The following CHRNA7 variants were observed in gnomAD, a reference collection of about 807,000 sequenced individuals.
CHRNA7 encodes the protein cholinergic receptor nicotinic alpha 7 subunit.
A neutral mutation model predicts 48.0 loss-of-function variants in CHRNA7; 17 were observed. The observed-to-expected ratio is 0.35, with a 90% CI of 0.24 to 0.53. The LOEUF (loss-of-function observed/expected upper bound fraction) is 0.53. Among genes scored for constraint, CHRNA7 ranks in the 20% least tolerant of loss-of-function variants. The pLI is 0.92. For missense variants in CHRNA7, 155 were observed against 577.7 expected (o/e 0.27, Z 7.50); for synonymous variants, 75 against 242.3 (o/e 0.31, Z 6.41).
intron 2 of CHRNA7, among the ~76,000 whole-genome samples, chr15:32,050,051 C>G (rs1359018061): frequency 6.6e-6 from 1 of 152,150 alleles, no homozygotes; most frequent in African/African-American, 2.4e-5. Context: ...GTGGGTAACC[C>G]GACCTTTCTC....
At chr15:32,078,982 C>CAAGA (rs2050175813) in intron 2 of CHRNA7, among the ~76,000 whole-genome samples, 1 of 152,316 alleles carries the variant, frequency 6.6e-6, no homozygotes, top group East Asian at 1.9e-4. Flanking sequence ...CCCTGGGATG[C>CAAGA]AAGGTTGGTT....
chr15:32,049,068 A>G (rs1457367058), intron 2 of CHRNA7, among the ~76,000 whole-genome samples: 2 of 147,670 alleles, frequency 1.4e-5, no homozygotes, highest in South Asian at 2.1e-4. Flanking sequence ...ACTTCCAGGT[A>G]TGTGGTCAAT....
chr15:32,092,024 G>C lies in CHRNA7; in HGVS notation c.196-9279G>C, dbSNP rs574331356. 3.3e-5 allele frequency among the ~76,000 whole-genome samples: 5 copies of C among 152,264 alleles called. No individual in the cohort carries two copies. The South Asian group carries it at 1.0e-3, about 32-fold the overall frequency. On this transcript the variant is annotated intron_variant, in intron 2 of 9. Transcript: ENST00000306901. ...CCTGGCATACTTAACTAGTTTCTCTGTGTTGTAGTCACCATTTCAGCTCTA... is the reference window on the plus strand; with the variant it reads ...CCTGGCATACTTAACTAGTTTCTCTCTGTTGTAGTCACCATTTCAGCTCTA...
chr15:32,100,088 A>G (rs2050544919), intron 2 of CHRNA7: 1 of 152,152 alleles, frequency 6.6e-6, no homozygotes, highest in Non-Finnish European at 1.5e-5. Context: ...AACTGCTTAC[A>G]TGCTGAACGC....
At chr15:32,114,059 T>C (rs202043955) in intron 4 of CHRNA7, among the ~76,000 whole-genome samples, 1,805 of 38,158 alleles carry the variant, frequency 0.047, 35 homozygotes, top group African/African-American at 0.1. Flanking sequence ...TATATATATA[T>C]ACATATATAT....
At chr15:32,050,135 C>G (rs1030687384) in intron 2 of CHRNA7, among the ~76,000 whole-genome samples, 1 of 152,116 alleles carries the variant, frequency 6.6e-6, no homozygotes, top group Non-Finnish European at 1.5e-5. Context: ...TGGAGTTGCT[C>G]TTCTCGATGA....
intron 4 of CHRNA7, among the ~76,000 whole-genome samples, chr15:32,136,119 G>A (rs1049731342): frequency 6.6e-6 from 1 of 152,114 alleles, no homozygotes; most frequent in Non-Finnish European, 1.5e-5. Flanking sequence ...AGCAGTGAGC[G>A]AAGCAATTGG....
chr15:32,071,290 A>G (rs994269268), intron 2 of CHRNA7, among the ~76,000 whole-genome samples: 5 of 152,174 alleles, frequency 3.3e-5, no homozygotes, highest in Admixed American at 6.5e-5. Flanking sequence ...TTTTAGAACT[A>G]TCGTATGTAT....
At chr15:32,031,818 A>C (rs745338384) in intron 2 of CHRNA7, among the ~76,000 whole-genome samples, 6 of 152,352 alleles carry the variant, frequency 3.9e-5, no homozygotes, top group Non-Finnish European at 8.8e-5. Context: ...AATACTTCAC[A>C]CAAGTGTTTA....
Position 32,035,102 on chromosome 15 carries a change from G to A in CHRNA7, c.195+4065G>A, listed in dbSNP as rs56908455. Among the ~76,000 whole-genome samples the A allele has an allele frequency of 2.9e-3, 436 of 152,324 alleles. 2 individuals are homozygous for A. The highest frequency in any genetic ancestry group is 0.01 in the African/African-American group (424 of 41,574). On this transcript the variant is annotated intron_variant, in intron 2 of 9. Coordinates refer to ENST00000306901, the MANE Select transcript of CHRNA7 (RefSeq NM_000746.6). The stretch of plus-strand genomic sequence containing the variant: ...ATCAATAAATTTGCTAAGTGAAAGT[G>A]CCTAAATTATTCTTATATGCACACA...
rs551508915 is a variant in CHRNA7 at position 32,097,127 on chromosome 15, C to T, written c.196-4176C>T. ...AGGGCAGCTGTTTGCATCCCTGTTT[C>T]GGAGGAGAGAACATTGAAATGCACA... On this transcript the variant is annotated intron_variant, in intron 2 of 9. Transcript: ENST00000306901. 3.3e-5 allele frequency among the ~76,000 whole-genome samples: 5 copies of T among 152,254 alleles called. No homozygotes were observed. The East Asian group carries it at 5.8e-4, about 18-fold the overall frequency.
intron 4 of CHRNA7, among the ~76,000 whole-genome samples, chr15:32,132,622 G>A (rs2051175603): frequency 6.6e-6 from 1 of 152,142 alleles, no homozygotes; most frequent in African/African-American, 2.4e-5. Flanking sequence ...TCTGGTTTAT[G>A]GCTTCCTTCT....
At chr15:32,123,982 A>C (rs1454132186) in intron 4 of CHRNA7, among the ~76,000 whole-genome samples, 3 of 150,656 alleles carry the variant, frequency 2.0e-5, no homozygotes, top group African/African-American at 2.4e-5. Flanking sequence ...AAAAAAAAAA[A>C]CAGCCTACAA....
rs78340300 is a variant in CHRNA7 at position 32,148,038 on chromosome 15, T to G, written c.351-5869T>G. ...CTCCTCCCTTCCTTTTTGGATAGAT[T>G]TCATCTTCATCTCTCTTGCCCTTCT... On this transcript the variant is annotated intron_variant, in intron 4 of 9. Transcript: ENST00000306901. 5.5e-4 allele frequency among the ~76,000 whole-genome samples: 84 copies of G among 152,314 alleles called. No individual in the cohort carries two copies. In the East Asian group the frequency reaches 0.015, roughly 28 times the overall value.
chr15:32,030,691 C>T, intron 1 of CHRNA7, 42 bp downstream of exon 1: 1 of 1,553,694 alleles, frequency 6.4e-7, no homozygotes, highest in East Asian at 2.5e-5. Flanking sequence ...TCCGTGGGAT[C>T]CCGGGCACAT....
chr15:32,129,418 G>A (rs1478046294), intron 4 of CHRNA7, among the ~76,000 whole-genome samples: 2 of 151,920 alleles, frequency 1.3e-5, no homozygotes, highest in African/African-American at 4.8e-5. Context: ...TTAAAATTAT[G>A]AACTCAATGT....
At chr15:32,141,520 C>T (rs1325128333) in intron 4 of CHRNA7, among the ~76,000 whole-genome samples, 1 of 152,160 alleles carries the variant, frequency 6.6e-6, no homozygotes, top group Non-Finnish European at 1.5e-5. Context: ...AGCAGTATGG[C>T]CATTTTCACG....
chr15:32,063,621 T>C (rs2049915797), intron 2 of CHRNA7, among the ~76,000 whole-genome samples: 2 of 152,206 alleles, frequency 1.3e-5, no homozygotes, highest in African/African-American at 4.8e-5. Flanking sequence ...TTTGACCACA[T>C]GATTGAGCTA....
intron 4 of CHRNA7, among the ~76,000 whole-genome samples, chr15:32,145,907 C>T (rs1222641339): frequency 6.6e-6 from 1 of 152,218 alleles, no homozygotes; most frequent in East Asian, 1.9e-4. Flanking sequence ...CCTGCTTTGG[C>T]TTGCCCTCCG....
Sources: gnomAD v4.1 joint callset for allele counts (sites outside exome capture counted in the v4.1 genomes callset) on GRCh38, gnomAD v4.1.1 for gene constraint, MANE v1.5 for transcripts, NCBI Gene and HGNC (gene_info 2026-07-23, HGNC 2026-07-21) for gene names.